Variants in ARID1B observed in about 807,000 individuals in gnomAD.
The protein encoded by ARID1B is AT-rich interaction domain 1B, also known as AT-rich interactive domain-containing protein 1B.
In ARID1B, 30 loss-of-function variants were observed where a neutral mutation model predicts 212.3. The observed-to-expected ratio is 0.14, with a 90% CI of 0.11 to 0.19. The LOEUF (loss-of-function observed/expected upper bound fraction) is 0.19. ARID1B is among the 10% of genes least tolerant of loss of function. The pLI is 1.00. For missense variants in ARID1B, 2,891 were observed against 3,204.0 expected, an observed-to-expected ratio of 0.90 and a Z score of 2.36; for synonymous variants, 1,402 against 1,301.7, an observed-to-expected ratio of 1.08 and a Z score of -1.66.
chr6:156,962,514 G>T (rs1351413755), intron 4 of ARID1B, among the ~76,000 whole-genome samples: 1 of 152,224 alleles, frequency 6.6e-6, no homozygotes, highest in Non-Finnish European at 1.5e-5. Flanking sequence ...GTGCCACCCA[G>T]GCTGGAGTGC....
At chr6:157,085,605 A>G (rs1784915907) in intron 5 of ARID1B, among the ~76,000 whole-genome samples, 1 of 152,288 alleles carries the variant, frequency 6.6e-6, no homozygotes. Context: ...CTACCGTACA[A>G]CTAGCTTTCC....
At chr6:157,021,307 G>A (rs1219190274) in intron 4 of ARID1B, among the ~76,000 whole-genome samples, 2 of 152,210 alleles carry the variant, frequency 1.3e-5, no homozygotes, top group South Asian at 2.1e-4. Flanking sequence ...GAGCTCCTCC[G>A]AAGGGAGAAC....
chr6:157,154,772 G>T (rs1790467341), intron 8 of ARID1B, among the ~76,000 whole-genome samples: 1 of 151,768 alleles, frequency 6.6e-6, no homozygotes, highest in Non-Finnish European at 1.5e-5. Context: ...TAGTAGAGAC[G>T]GGCTTTCACC....
intron 16 of ARID1B, among the ~76,000 whole-genome samples, chr6:157,197,976 A>T (rs542766806): frequency 6.6e-6 from 1 of 152,260 alleles, no homozygotes; most frequent in Admixed American, 6.5e-5. Flanking sequence ...TGTTTTTATT[A>T]TTCTCATTCC....
chr6:157,158,584 G>A (rs186521142), intron 8 of ARID1B, among the ~76,000 whole-genome samples: 48 of 152,330 alleles, frequency 3.2e-4, no homozygotes, highest in African/African-American at 1.1e-3. Flanking sequence ...CCTACTCTGA[G>A]TATTGCTGGG....
chr6:156,783,769 C>T (rs920837128), intron 1 of ARID1B, among the ~76,000 whole-genome samples: 1 of 152,144 alleles, frequency 6.6e-6, no homozygotes, highest in Non-Finnish European at 1.5e-5. Context: ...ACTCTGTATT[C>T]GCTTTTTTGC....
intron 4 of ARID1B, among the ~76,000 whole-genome samples, chr6:156,959,993 C>T (rs185440505): frequency 6.1e-5 from 9 of 148,698 alleles, no homozygotes; most frequent in Admixed American, 4.0e-4. Flanking sequence ...TGCAATGGCG[C>T]GATCTTGGCT....
intron 13 of ARID1B, chr6:157,186,750 G>A (rs1793003539): frequency 2.9e-6 from 1 of 340,476 alleles, no homozygotes; most frequent in South Asian, 2.3e-5. Flanking sequence ...GCACATTCAG[G>A]CGAACTAAAC....
intron 4 of ARID1B, among the ~76,000 whole-genome samples, chr6:156,956,567 T>TTGAGTTTGGGAAGC (rs1390171783): frequency 1.3e-5 from 2 of 152,124 alleles, no homozygotes; most frequent in African/African-American, 4.8e-5. Flanking sequence ...CAGTTTCAGC[T>TTGAGTTTGGGAAGC]TGAGTTTGGG....
chr6:157,190,440 A>T lies in ARID1B; in HGVS notation c.4231+230A>T, dbSNP rs1014114039. On this transcript the variant is annotated intron_variant, in intron 15 of 19. Coordinates refer to ENST00000636930, the MANE Select transcript of ARID1B (RefSeq NM_001374828.1). This position sits in a 1 kb window ranked among gnomAD's most constrained non-coding sequence, Gnocchi z 4.6. ...GTGCCCTCAGCCTGTTCCCTGGCAC[A>T]TGCTCCCTGTTTCCGGATACCTGCC... is the stretch of plus-strand genomic sequence containing the variant. Among the ~76,000 whole-genome samples, 4 of 152,200 alleles carry T rather than the reference A, an allele frequency of 2.6e-5. No individual in the cohort carries two copies. Among genetic ancestry groups the T allele is most frequent in the African/African-American group, 9.7e-5 (4 of 41,446 alleles).
chr6:157,052,954 G>A (rs1320781378), intron 4 of ARID1B, among the ~76,000 whole-genome samples: 2 of 152,110 alleles, frequency 1.3e-5, no homozygotes, highest in African/African-American at 4.8e-5. Context: ...TCCTGACCTC[G>A]TGATCTGGCC....
At chr6:156,832,762 CTG>C (rs1188693728) in intron 2 of ARID1B, among the ~76,000 whole-genome samples, 1 of 152,132 alleles carries the variant, frequency 6.6e-6, no homozygotes, top group Non-Finnish European at 1.5e-5. Flanking sequence ...TTTTTTGTCT[CTG>C]AGAGTCTGAA....
chr6:157,084,143 CAAA>C (rs1475833808), intron 4 of ARID1B, among the ~76,000 whole-genome samples: 1 of 134,288 alleles, frequency 7.4e-6, no homozygotes, highest in African/African-American at 2.8e-5. Context: ...ACCTCCCCCC[CAAA>C]AAAAAAAAAA....
intron 4 of ARID1B, among the ~76,000 whole-genome samples, chr6:156,944,945 C>T (rs374845962): frequency 2.8e-5 from 4 of 140,644 alleles, no homozygotes; most frequent in Admixed American, 7.2e-5. Flanking sequence ...TTTTTTGAGA[C>T]GGAGTCTCGC....
At chr6:157,006,982 A>C (rs1280977536) in intron 4 of ARID1B, among the ~76,000 whole-genome samples, 1 of 152,252 alleles carries the variant, frequency 6.6e-6, no homozygotes, top group African/African-American at 2.4e-5. Context: ...CGCAAAGTTT[A>C]TCAGGCACCA....
chr6:157,030,979 G>A (rs536290784), intron 4 of ARID1B, among the ~76,000 whole-genome samples: 4 of 152,026 alleles, frequency 2.6e-5, no homozygotes, highest in Non-Finnish European at 5.9e-5. Flanking sequence ...TCCTTCAGCC[G>A]TCATGTGGTC....
upstream of ARID1B, chr6:156,776,431 G>A (rs188525852): frequency 6.6e-6 from 1 of 151,854 alleles, no homozygotes; most frequent in Admixed American, 6.6e-5. Flanking sequence ...TTTTAGTTTC[G>A]TTCCACATCT....
chr6:157,102,215 C>A (rs1167423155), intron 5 of ARID1B, among the ~76,000 whole-genome samples: 1 of 152,158 alleles, frequency 6.6e-6, no homozygotes, highest in East Asian at 1.9e-4. Context: ...CTATTCACCT[C>A]ATGTTTATTC....
chr6:157,132,978 G>T, intron 6 of ARID1B, 50 bp from the exon 7 acceptor site: 1 of 1,551,942 alleles, frequency 6.4e-7, no homozygotes, highest in South Asian at 1.3e-5. Context: ...TATGTATGCA[G>T]AGATTATGAA....
Sources: allele counts gnomAD v4.1 joint callset (sites outside exome capture counted in the v4.1 genomes callset), GRCh38; gene constraint gnomAD v4.1.1; non-coding constraint Gnocchi (gnomAD v3.1); transcripts MANE v1.5; gene names NCBI Gene and HGNC (gene_info 2026-07-23, HGNC 2026-07-21).